HMGN1: variants seen among roughly 807,000 people sequenced by gnomAD.
HMGN1 encodes high mobility group nucleosome binding domain 1.
HMGN1 carries 9 observed loss-of-function variants against 18.4 expected under a neutral mutation model. That is an observed-to-expected ratio of 0.49 (90% CI 0.29 to 0.85). The LOEUF (loss-of-function observed/expected upper bound fraction) is 0.85. HMGN1 is among the 40% of genes least tolerant of loss of function. The pLI is 0.07. For synonymous variants in HMGN1, 59 were observed against 45.0 expected (o/e 1.31, Z -1.24); for missense variants, 151 against 119.2 (o/e 1.27, Z -1.24).
intron 5 of HMGN1, chr21:39,344,742 C>G (rs1474125041): frequency 6.3e-6 from 1 of 159,754 alleles, no homozygotes; most frequent in African/African-American, 2.4e-5. Flanking sequence ...TTTACTTGAT[C>G]TATGTTATTA....
intron 4 of HMGN1, 61 bp from the exon 5 acceptor site, chr21:39,345,335 T>C (rs994295677): frequency 1.5e-4 from 230 of 1,538,958 alleles, no homozygotes; most frequent in Non-Finnish European, 1.9e-4. Context: ...CATTTTGTTT[T>C]ACTTTTTCCC....
intron 1 of HMGN1, 72 bp from the exon 2 acceptor site, chr21:39,348,649 A>T: frequency 6.7e-7 from 1 of 1,491,170 alleles, no homozygotes. Flanking sequence ...CGGCCCCGAG[A>T]ACAATGCCCG....
chr21:39,345,187 C>G lies in HMGN1; in HGVS notation c.214G>C (p.Glu72Gln), dbSNP rs189031203. Residue 72 changes from glutamate to glutamine, a missense_variant, in exon 5 of 6, where the codon GAA (glutamate) becomes CAA (glutamine). Physicochemically the swap from Glu to Gln is conservative, Grantham distance 29 (BLOSUM62 2). Coordinates refer to ENST00000380749, the MANE Select transcript of HMGN1 (RefSeq NM_004965.7). ...QAEVANQETKEDLPAENGETK... is the reference protein window; with the variant it reads ...QAEVANQETKQDLPAENGETK... ...TCCCCGTTTTCCGCAGGTAAGTCTT[C>G]TTTAGTTTCTTGGTTAGCCACTTCG... 8.1e-6 allele frequency: 13 copies of G among 1,612,638 alleles called. No homozygotes were observed. Among genetic ancestry groups the G allele is most frequent in the Non-Finnish European group, 1.1e-5 (13 of 1,179,634 alleles).
intron 4 of HMGN1, chr21:39,345,851 T>C (rs1350626242): frequency 1.5e-6 from 2 of 1,302,634 alleles, no homozygotes; most frequent in Non-Finnish European, 2.0e-6. Context: ...CACCATGCCG[T>C]ACGGTCAGGT....
chr21:39,345,462 T>C, intron 4 of HMGN1, 188 bp from the exon 5 acceptor site: 1 of 619,844 alleles, frequency 1.6e-6, no homozygotes, highest in Admixed American at 2.9e-5. Flanking sequence ...AAGGATCTCA[T>C]TTTGTATAGA....
intron 4 of HMGN1, 88 bp downstream of exon 4, chr21:39,348,204 C>T (rs773295169): frequency 4.0e-6 from 6 of 1,505,156 alleles, no homozygotes; most frequent in South Asian, 1.1e-5. Context: ...AAATAAAGCT[C>T]CAATAGCTAA....
At chr21:39,347,202 T>A (rs1464657312) in intron 4 of HMGN1, 1 of 390,730 alleles carries the variant, frequency 2.6e-6, no homozygotes, top group Non-Finnish European at 4.0e-6. Flanking sequence ...CCACATGGTC[T>A]TCTGGTAATG....
chr21:39,345,372 A>G, intron 4 of HMGN1, 98 bp from the exon 5 acceptor site: 1 of 1,193,648 alleles, frequency 8.4e-7, no homozygotes, highest in South Asian at 1.3e-5. Flanking sequence ...TAATGTGCCC[A>G]GTGGTGCTGA....
In HMGN1 at chr21:39,345,136, C is replaced by CACACACA. The variant is rs770112104; in HGVS notation, c.255+9_255+10insTGTGTGT. On this transcript the variant is annotated intron_variant, in intron 5 of 5. Coordinates refer to ENST00000380749, the MANE Select transcript of HMGN1 (RefSeq NM_004965.7). ...ACACACACACACACACACACACACA[C>CACACACA]ACTTCTGACCTCCTCAGTCTTCGTT... 2 of 1,556,472 alleles carry CACACACA rather than the reference C, an allele frequency of 1.3e-6. No individual in the cohort carries two copies. The highest frequency in any genetic ancestry group is 1.7e-6 in the Non-Finnish European group (2 of 1,149,792).
At chr21:39,348,765 G>T in intron 1 of HMGN1, 138 bp downstream of exon 1, 1 of 1,054,776 alleles carries the variant, frequency 9.5e-7, no homozygotes, top group Non-Finnish European at 1.3e-6. Flanking sequence ...CCGAGCGCTC[G>T]CCTGCCCGCC....
chr21:39,347,952 T>C (rs1817740597), intron 4 of HMGN1: 1 of 1,143,014 alleles, frequency 8.7e-7, no homozygotes, highest in Admixed American at 4.6e-5. Flanking sequence ...CTATCTTGAC[T>C]CTTTTATTGT....
chr21:39,348,985 C>T lies in HMGN1; in HGVS notation c.-68G>A. ...GCGCGTGCCGGGTGCCTGCGGGCCG[C>T]GGCGCGCCGACAGCCTTCGCGAAAC... is the stretch of plus-strand genomic sequence containing the variant. On this transcript the variant is annotated 5_prime_UTR_variant, in exon 1 of 6. Transcript: ENST00000380749. 2 of 1,192,810 alleles carry T rather than the reference C, an allele frequency of 1.7e-6. No individual in the cohort carries two copies. The allele number at this position is 1,192,810 out of a possible 1,614,324, so 73.9% of individuals were successfully genotyped here. A position where few individuals can be genotyped will look rare whatever the true frequency, so the allele number is the denominator to read the frequency against.
At chr21:39,345,738 G>C in intron 4 of HMGN1, 1 of 890,552 alleles carries the variant, frequency 1.1e-6, no homozygotes, top group Non-Finnish European at 1.6e-6. Flanking sequence ...GAGGAGTCTC[G>C]TCGACCGTAT....
chr21:39,348,551 C>G lies in HMGN1; in HGVS notation c.42G>C (p.Lys14Asn). 6.2e-7 allele frequency: 1 copy of G among 1,611,158 alleles called. No individual in the cohort carries two copies. The highest frequency in any genetic ancestry group is 8.5e-7 in the Non-Finnish European group (1 of 1,178,398). The change falls in exon 2 of 6, where the codon AAG (lysine) becomes AAC (asparagine). Residue 14 changes from lysine (K) to asparagine (N), a missense_variant. By Grantham distance (94) the Lys-to-Asn change is moderately conservative. Transcript: ENST00000380749. ...GCAGAAGGCCCGCACTCACCTCTTC[C>G]TTGGCGGCGCCTTCGGCGGAGCTGA... The part of the protein sequence containing the change: ...RKVSSAEGAA[K>N]EEPKRRSARL...
At chr21:39,345,388 T>C (rs1047326469) in intron 4 of HMGN1, 114 bp from the exon 5 acceptor site, 2 of 1,005,210 alleles carry the variant, frequency 2.0e-6, no homozygotes, top group East Asian at 2.5e-5. Flanking sequence ...GCTGACTTCA[T>C]AGTAAGGTTT....
At position 39,343,145 on chromosome 21, in the gene HMGN1, A is replaced by T; in HGVS notation, c.270T>A (p.Asp90Glu). 6.3e-7 allele frequency: 1 copy of T among 1,598,232 alleles called. No homozygotes were observed. The highest frequency in any genetic ancestry group is 8.5e-7 in the Non-Finnish European group (1 of 1,171,180). Reference protein sequence around the residue: ...ETKTEESPASDEAGEKEAKSD With the variant: ...ETKTEESPASEEAGEKEAKSD ...ACTTGGCTTCTTTCTCTCCTGCTTC[A>T]TCAGAGGCTGGACTCTGCAAAAGAA... The change falls in exon 6 of 6, where the codon GAT becomes GAA. Residue 90 changes from aspartate to glutamate, a missense_variant. Physicochemically the swap from Asp to Glu is conservative, Grantham distance 45. Transcript: ENST00000380749.
At chr21:39,346,163 G>T (rs565494730) in intron 4 of HMGN1, 1 of 356,864 alleles carries the variant, frequency 2.8e-6, no homozygotes, top group African/African-American at 2.1e-5. Flanking sequence ...GACCCATACG[G>T]ATACTGACCA....
intron 5 of HMGN1, 74 bp downstream of exon 5, chr21:39,345,072 T>C (rs1276481628): frequency 2.1e-6 from 3 of 1,432,814 alleles, no homozygotes; most frequent in South Asian, 1.4e-5. Flanking sequence ...CTACAAAAAA[T>C]GTACAATTTA....
chr21:39,348,121 A>G, intron 4 of HMGN1, 171 bp downstream of exon 4: 2 of 928,706 alleles, frequency 2.2e-6, no homozygotes, highest in Non-Finnish European at 3.2e-6. Context: ...AGTTCTATAA[A>G]CCAGGATGAA....
Sources: gnomAD v4.1 joint callset for allele counts on GRCh38, gnomAD v4.1.1 for gene constraint, MANE v1.5 for transcripts, NCBI Gene and HGNC (gene_info 2026-07-23, HGNC 2026-07-21) for gene names.